Variants in TRERF1 observed in about 807,000 individuals in gnomAD.
TRERF1 encodes the protein transcriptional regulating factor 1, also known as transcriptional-regulating factor 1.
Under a neutral mutation model 122.9 loss-of-function variants are expected in TRERF1, and 27 were observed. That is an observed-to-expected ratio of 0.22 (90% CI 0.16 to 0.30). The LOEUF is 0.30. TRERF1 is among the 10% of genes least tolerant of loss of function. The pLI is 1.00. For synonymous variants in TRERF1, 636 were observed against 641.7 expected (o/e 0.99, Z 0.13); for missense variants, 1,248 against 1,560.3 (o/e 0.80, Z 3.37).
At chr6:42,411,052 T>C (rs538490826) in intron 2 of TRERF1, among the ~76,000 whole-genome samples, 2 of 152,182 alleles carry the variant, frequency 1.3e-5, no homozygotes, top group South Asian at 4.2e-4. Context: ...AAATTATGAA[T>C]AGTCCCAACA....
intron 2 of TRERF1, among the ~76,000 whole-genome samples, chr6:42,403,220 G>C (rs1779674220): frequency 6.6e-6 from 1 of 152,046 alleles, no homozygotes; most frequent in Non-Finnish European, 1.5e-5. Flanking sequence ...TAAAAACGAG[G>C]CTGGTGCTAG....
intron 2 of TRERF1, among the ~76,000 whole-genome samples, chr6:42,418,615 G>A (rs1424294992): frequency 6.6e-6 from 1 of 152,058 alleles, no homozygotes; most frequent in African/African-American, 2.4e-5. Flanking sequence ...TGCTGGTGCA[G>A]GGACTGTGCT....
rs543917209 is a variant in TRERF1 at position 42,382,838 on chromosome 6, T to C, written c.-453-19759A>G. Among the ~76,000 whole-genome samples the C allele has an allele frequency of 1.1e-3, 164 of 151,894 alleles. 1 individual carries two copies. Among genetic ancestry groups the C allele is most frequent in the Non-Finnish European group, 1.9e-3 (126 of 67,978 alleles). The stretch of plus-strand genomic sequence containing the variant: ...AGTAGCATCCCTGGCCTCCACCCAC[T>C]ACATGCCAGTAGGATTCTCCTTCCT... On this transcript the variant is annotated intron_variant, in intron 2 of 17. Coordinates refer to ENST00000372922, the Ensembl canonical transcript of TRERF1.
intron 17 of TRERF1, among the ~76,000 whole-genome samples, chr6:42,231,783 CA>C (rs1770587794): frequency 6.6e-6 from 1 of 152,086 alleles, no homozygotes; most frequent in Admixed American, 6.5e-5. Flanking sequence ...CAAAGTAAAC[CA>C]AAAGGAAAGA....
At chr6:42,400,503 G>A (rs1779235374) in intron 2 of TRERF1, among the ~76,000 whole-genome samples, 1 of 152,194 alleles carries the variant, frequency 6.6e-6, no homozygotes, top group Non-Finnish European at 1.5e-5. Flanking sequence ...GGTACACCTG[G>A]GGATGCAGTT....
In TRERF1 at chr6:42,277,905, G is replaced by GAAGAA. The variant is rs1321566764; in HGVS notation, c.-258-8058_-258-8057insTTCTT. Among the ~76,000 whole-genome samples, 126 of 85,052 alleles carry GAAGAA rather than the reference G, an allele frequency of 1.5e-3. 1 individual carries two copies. The highest frequency in any genetic ancestry group is 1.8e-3 in the African/African-American group (36 of 19,800). The allele number at this position is 85,052 out of a possible 152,430, so 55.8% of individuals were successfully genotyped here. A position where few individuals can be genotyped will look rare whatever the true frequency, so the allele number is the denominator to read the frequency against. ...AGAAGGAAGAAGGAAGAAGGAAGAA[G>GAAGAA]GAAGAAGAAGAAGAAGAAGAAGAAG... On this transcript the variant is annotated intron_variant, in intron 4 of 17. Transcript: ENST00000372922.
chr6:42,313,088 T>C (rs72857645), intron 3 of TRERF1, among the ~76,000 whole-genome samples: 90 of 152,192 alleles, frequency 5.9e-4, no homozygotes, highest in Middle Eastern at 6.8e-3. Flanking sequence ...GGGCTGGCTG[T>C]GTAGAGAGGG....
intron 2 of TRERF1, among the ~76,000 whole-genome samples, chr6:42,370,634 A>C (rs1490607723): frequency 1.3e-5 from 2 of 152,122 alleles, no homozygotes; most frequent in African/African-American, 4.8e-5. Context: ...TGGCATAGAG[A>C]ATTATCTCTT....
At chr6:42,241,433 T>C (rs1773670291) in intron 15 of TRERF1, among the ~76,000 whole-genome samples, 1 of 152,282 alleles carries the variant, frequency 6.6e-6, no homozygotes, top group East Asian at 1.9e-4. Flanking sequence ...AATTATTAGT[T>C]AGAAGCATAG....
intron 3 of TRERF1, among the ~76,000 whole-genome samples, chr6:42,301,272 C>T (rs1334876171): frequency 6.6e-6 from 1 of 152,148 alleles, no homozygotes; most frequent in Admixed American, 6.5e-5. Flanking sequence ...CTCTGTTGCC[C>T]AGGCTGGAGT....
intron 2 of TRERF1, among the ~76,000 whole-genome samples, chr6:42,445,278 A>C (rs1319537098): frequency 3.3e-5 from 5 of 151,564 alleles, no homozygotes; most frequent in African/African-American, 9.7e-5. Context: ...AAAAAAAAAA[A>C]AAACAAAAAA....
intron 3 of TRERF1, among the ~76,000 whole-genome samples, chr6:42,359,024 A>G (rs1357289673): frequency 1.3e-5 from 2 of 152,140 alleles, no homozygotes; most frequent in Non-Finnish European, 2.9e-5. Flanking sequence ...CCTGGCCACT[A>G]TGGAACACTG....
chr6:42,359,770 G>C (rs1354041747), intron 3 of TRERF1, among the ~76,000 whole-genome samples: 1 of 151,950 alleles, frequency 6.6e-6, no homozygotes, highest in Non-Finnish European at 1.5e-5. Flanking sequence ...AAATCAGCTG[G>C]GATAGGTCAT....
At chr6:42,262,439 A>G (rs1778189790) in intron 8 of TRERF1, among the ~76,000 whole-genome samples, 2 of 25,662 alleles carry the variant, frequency 7.8e-5, no homozygotes, top group African/African-American at 1.8e-4. Context: ...AGGGGCAGAG[A>G]GAGAGAGAGA....
In TRERF1 at chr6:42,269,713, C is replaced by T. The variant is rs1779879966; in HGVS notation, c.-123G>A. On this transcript the variant is annotated 5_prime_UTR_variant, in exon 5 of 18. An upstream start codon of the reference 5' UTR is lost. Transcript: ENST00000372922. The surrounding 1 kb of genome is among the most constrained non-coding windows in gnomAD (Gnocchi z 4.9). ...AGTGTCAGCACTACTCCACGGCTGACATGTCTGTGAACGTGGCTGGAGCCA... is the reference window on the plus strand; with the variant it reads ...AGTGTCAGCACTACTCCACGGCTGATATGTCTGTGAACGTGGCTGGAGCCA... The T allele has an allele frequency of 2.1e-6, 3 of 1,456,668 alleles. No homozygotes were observed. The highest frequency in any genetic ancestry group is 9.0e-7 in the Non-Finnish European group (1 of 1,109,564). The allele number at this position is 1,456,668 out of a possible 1,614,324, so 90.2% of individuals were successfully genotyped here. A position where few individuals can be genotyped will look rare whatever the true frequency, so the allele number is the denominator to read the frequency against.
intron 3 of TRERF1, among the ~76,000 whole-genome samples, chr6:42,336,311 C>G (rs1338526001): frequency 6.6e-6 from 1 of 152,182 alleles, no homozygotes; most frequent in Non-Finnish European, 1.5e-5. Flanking sequence ...CCTTTCTGCA[C>G]TGCCCCACTA....
chr6:42,333,998 TAC>T (rs3997687), intron 3 of TRERF1, among the ~76,000 whole-genome samples: 13,561 of 147,096 alleles, frequency 0.092, 734 homozygotes, highest in East Asian at 0.25. Context: ...ACACATACAC[TAC>T]ACACACACAC....
At chr6:42,246,266 T>C (rs771758607) in intron 14 of TRERF1, among the ~76,000 whole-genome samples, 190 bp downstream of exon 14, 1 of 152,160 alleles carries the variant, frequency 6.6e-6, no homozygotes, top group African/African-American at 2.4e-5. Flanking sequence ...TTCTTTCCCC[T>C]GTCCTCTCCC....
chr6:42,309,667 T>A (rs891492902), intron 3 of TRERF1, among the ~76,000 whole-genome samples: 6 of 152,230 alleles, frequency 3.9e-5, no homozygotes, highest in Non-Finnish European at 8.8e-5. Context: ...CATTGAAGTG[T>A]GAGCAGCACT....
Sources: allele counts gnomAD v4.1 joint callset (sites outside exome capture counted in the v4.1 genomes callset), GRCh38; gene constraint gnomAD v4.1.1; non-coding constraint Gnocchi (gnomAD v3.1); transcripts MANE v1.5; gene names NCBI Gene and HGNC (gene_info 2026-07-23, HGNC 2026-07-21).